The following BICRAL variants were observed in gnomAD, a reference collection of about 807,000 sequenced individuals.
BICRAL encodes BICRA like chromatin remodeling complex associated protein, also known as BRD4-interacting chromatin-remodeling complex-associated protein-like.
In BICRAL, 8 loss-of-function variants were observed where a neutral mutation model predicts 91.8. The ratio of observed to expected loss-of-function variants is 0.09; its 90% CI spans 0.05 to 0.16. The LOEUF (loss-of-function observed/expected upper bound fraction) is 0.16, where lower values mean the gene tolerates loss of function less well. BICRAL is among the 10% of genes least tolerant of loss of function. The probability of loss-of-function intolerance (pLI) is 1.00; values close to 1 mark genes in which losing one functional copy is unlikely to be tolerated. For missense variants in BICRAL, 1,038 were observed against 1,310.9 expected (o/e 0.79, Z 3.21); for synonymous variants, 445 against 491.1 (o/e 0.91, Z 1.24).
intron 1 of BICRAL, among the ~76,000 whole-genome samples, chr6:42,759,666 T>C (rs1762516660): frequency 6.6e-6 from 1 of 152,184 alleles, no homozygotes; most frequent in Admixed American, 6.5e-5. Flanking sequence ...ACATGCTGCT[T>C]GCTCCTGGGT....
intron 1 of BICRAL, among the ~76,000 whole-genome samples, chr6:42,793,296 ATTTTTTT>A (rs35332872): frequency 6.1e-4 from 14 of 22,974 alleles, no homozygotes; most frequent in African/African-American, 2.3e-3. Flanking sequence ...GACCCAGCTA[ATTTTTTT>A]TTTTTTTTTT....
At chr6:42,785,397 A>G (rs1406966228) in intron 1 of BICRAL, among the ~76,000 whole-genome samples, 2 of 151,918 alleles carry the variant, frequency 1.3e-5, no homozygotes. Flanking sequence ...CGTCTGTACT[A>G]AAAATACAAA....
intron 1 of BICRAL, among the ~76,000 whole-genome samples, chr6:42,798,395 T>TA (rs397789503): frequency 2.0e-5 from 3 of 151,278 alleles, no homozygotes; most frequent in South Asian, 4.2e-4. Context: ...AAAATTTTTT[T>TA]AATTAGAAAA....
chr6:42,793,762 CTTTTTT>C (rs70990140), intron 1 of BICRAL, among the ~76,000 whole-genome samples: 1 of 99,236 alleles, frequency 1.0e-5, no homozygotes, highest in African/African-American at 4.0e-5. Flanking sequence ...CTCAAGATGA[CTTTTTT>C]TTTTTTTTTT....
intron 6 of BICRAL, among the ~76,000 whole-genome samples, chr6:42,837,949 C>T (rs912715387): frequency 2.6e-5 from 4 of 152,108 alleles, no homozygotes; most frequent in Non-Finnish European, 5.9e-5. Flanking sequence ...TGGAAGAGTA[C>T]AGTGAATACA....
intron 2 of BICRAL, among the ~76,000 whole-genome samples, chr6:42,818,211 A>G (rs1764050111): frequency 6.6e-6 from 1 of 152,310 alleles, no homozygotes; most frequent in Non-Finnish European, 1.5e-5. Flanking sequence ...GACATGTAGT[A>G]TCTCACTACA....
chr6:42,767,275 T>C (rs1312472721), intron 1 of BICRAL, among the ~76,000 whole-genome samples: 1 of 152,204 alleles, frequency 6.6e-6, no homozygotes, highest in Non-Finnish European at 1.5e-5. Context: ...CCAGTGCTTT[T>C]TTTTGTTTTC....
intron 10 of BICRAL, among the ~76,000 whole-genome samples, chr6:42,860,024 CTAGT>C (rs1251356358): frequency 6.6e-6 from 1 of 151,912 alleles, no homozygotes; most frequent in Non-Finnish European, 1.5e-5. Context: ...TTTTGGTTTC[CTAGT>C]TAAAGTTAAA....
chr6:42,793,866 G>T (rs1763346571), intron 1 of BICRAL, among the ~76,000 whole-genome samples: 1 of 150,826 alleles, frequency 6.6e-6, no homozygotes, highest in Non-Finnish European at 1.5e-5. Flanking sequence ...TAGTAGCTGG[G>T]ACTACAGGTG....
At chr6:42,783,325 G>A (rs1431903538) in intron 1 of BICRAL, among the ~76,000 whole-genome samples, 2 of 152,122 alleles carry the variant, frequency 1.3e-5, no homozygotes, top group African/African-American at 4.8e-5. Flanking sequence ...TCGCCGCGCC[G>A]GCCAGAAGAG....
intron 9 of BICRAL, among the ~76,000 whole-genome samples, chr6:42,856,150 C>G (rs995560537): frequency 6.6e-6 from 1 of 151,554 alleles, no homozygotes; most frequent in Non-Finnish European, 1.5e-5. Flanking sequence ...CAACATGGCT[C>G]TGCAAAAAAT....
chr6:42,826,793 G>T (rs1015854713), intron 5 of BICRAL, among the ~76,000 whole-genome samples: 118 of 146,350 alleles, frequency 8.1e-4, no homozygotes, highest in African/African-American at 2.8e-3. Flanking sequence ...TTGTTTGTTT[G>T]TTTTTTTTTT....
At chr6:42,747,807 T>G (rs888356945) in intron 1 of BICRAL, among the ~76,000 whole-genome samples, 1 of 103,890 alleles carries the variant, frequency 9.6e-6, no homozygotes, top group East Asian at 2.4e-4. Flanking sequence ...TTTATTTTGT[T>G]TTTTTTTTTT....
Position 42,829,364 on chromosome 6 carries a change from T to A in BICRAL, c.1031T>A (p.Phe344Tyr), listed in dbSNP as rs1415178583. The stretch of plus-strand genomic sequence containing the variant: ...CACCACGTACAACAAGGGATCTCTT[T>A]TGCTTCTGCAAGCTCACCCCAGGGC... ...QQHHVQQGIS[F>Y]ASASSPQGSV... Residue 344 changes from phenylalanine to tyrosine, a missense_variant, in exon 6 of 13, where the codon TTT becomes TAT. Phe to Tyr is a conservative substitution (Grantham distance 22). This residue lies in a region of BICRAL where 532 missense variants were observed against 724.9 expected (regional missense o/e 0.73). Transcript: ENST00000314073. 6.2e-7 allele frequency: 1 copy of A among 1,614,086 alleles called. No individual in the cohort carries two copies. The highest frequency in any genetic ancestry group is 8.5e-7 in the Non-Finnish European group (1 of 1,180,044).
At position 42,829,171 on chromosome 6, in the gene BICRAL, G is replaced by A. The variant is rs769998620; in HGVS notation, c.838G>A (p.Val280Ile). 49 of 1,613,898 alleles carry A rather than the reference G, an allele frequency of 3.0e-5. No homozygotes were observed. Among genetic ancestry groups the A allele is most frequent in the Middle Eastern group, 1.6e-4 (1 of 6,084 alleles). The stretch of plus-strand genomic sequence containing the variant: ...CAGTCCAGTAGCACAGCCTGTTACC[G>A]TTCCATTTAACAGCACAAATTTTCA... ...SSSPVAQPVT[V>I]PFNSTNFQTS... Residue 280 changes from valine (V) to isoleucine (I), a missense_variant, in exon 6 of 13, where the codon GTT (valine) becomes ATT (isoleucine). Coordinates refer to ENST00000314073, the MANE Select transcript of BICRAL (RefSeq NM_001393499.1).
chr6:42,808,910 G>T (rs57498064), intron 1 of BICRAL, among the ~76,000 whole-genome samples: 10,461 of 152,128 alleles, frequency 0.069, 419 homozygotes, highest in Non-Finnish European at 0.09. Flanking sequence ...TCCAAATTCA[G>T]TGTCCTTGCC....
At chr6:42,808,394 T>C (rs1179354259) in intron 1 of BICRAL, among the ~76,000 whole-genome samples, 1 of 152,212 alleles carries the variant, frequency 6.6e-6, no homozygotes, top group Non-Finnish European at 1.5e-5. Flanking sequence ...CCTCCCAAAG[T>C]GCTGGGATTA....
intron 6 of BICRAL, among the ~76,000 whole-genome samples, chr6:42,831,324 A>C (rs569716881): frequency 6.6e-6 from 1 of 152,334 alleles, no homozygotes; most frequent in Non-Finnish European, 1.5e-5. Context: ...TCAGGGACTC[A>C]GTGTGACTCA....
intron 11 of BICRAL, 113 bp from the exon 12 acceptor site, chr6:42,862,397 T>C: frequency 1.4e-6 from 1 of 728,974 alleles, no homozygotes. Context: ...GGCTCACTTT[T>C]CACATGCCCT....
Sources: allele counts gnomAD v4.1 joint callset (sites outside exome capture counted in the v4.1 genomes callset), GRCh38; gene constraint gnomAD v4.1.1; regional missense constraint gnomAD v4.1.1; transcripts MANE v1.5; gene names NCBI Gene and HGNC (gene_info 2026-07-23, HGNC 2026-07-21).